Variants in TOP2A observed in about 807,000 individuals in gnomAD.
TOP2A encodes the protein DNA topoisomerase 2-alpha.
A neutral mutation model predicts 187.2 loss-of-function variants in TOP2A; 68 were observed. The observed-to-expected ratio is 0.36, with a 90% CI of 0.30 to 0.44. TOP2A has a LOEUF of 0.44. Ranked by LOEUF, TOP2A falls within the 20% of genes least tolerant of loss-of-function variation. TOP2A has a pLI of 1.00. For missense variants in TOP2A, 1,196 were observed against 1,808.7 expected, an observed-to-expected ratio of 0.66 and a Z score of 6.14; for synonymous variants, 542 against 593.2, an observed-to-expected ratio of 0.91 and a Z score of 1.25.
At position 40,390,117 on chromosome 17, in the gene TOP2A, T is replaced by C. The variant is rs750280340; in HGVS notation, c.4315A>G (p.Lys1439Glu). The change falls in exon 34 of 35, where the codon AAA becomes GAA. Residue 1439 changes from lysine to glutamate, a missense_variant. Lys to Glu is a moderately conservative substitution (Grantham distance 56). Around this residue, in one of 10 missense-constraint regions of TOP2A, gnomAD observed 374 missense variants for 403.3 expected, o/e 0.93. Transcript: ENST00000423485. ...TTGAKKRAAP[K>E]GTKRDPALNS... The stretch of plus-strand genomic sequence containing the variant: ...AAAGCTGGATCCCTTTTAGTTCCTT[T>C]TGGGGCAGCCCTTTTTTTGGCACCG... 3 of 1,613,768 alleles carry C rather than the reference T, an allele frequency of 1.9e-6. No individual in the cohort carries two copies. The highest frequency in any genetic ancestry group is 4.5e-5 in the East Asian group (2 of 44,880).
chr17:40,392,886 G>A, intron 29 of TOP2A, 149 bp from the exon 30 acceptor site: 2 of 720,118 alleles, frequency 2.8e-6, no homozygotes, highest in Non-Finnish European at 4.5e-6. Flanking sequence ...TGTTTTTGTG[G>A]TGCATATAGC....
chr17:40,397,626 GTCT>G (rs959588929), intron 27 of TOP2A, among the ~76,000 whole-genome samples: 1 of 152,056 alleles, frequency 6.6e-6, no homozygotes, highest in East Asian at 1.9e-4. Context: ...TGGGTTGGTG[GTCT>G]TCTTCCACAT....
At chr17:40,397,567 T>A (rs2035117023) in intron 27 of TOP2A, among the ~76,000 whole-genome samples, 1 of 152,088 alleles carries the variant, frequency 6.6e-6, no homozygotes, top group African/African-American at 2.4e-5. Context: ...ATTACAGGCA[T>A]GAGCCACCAT....
chr17:40,402,082 A>G (rs901167941), intron 20 of TOP2A, among the ~76,000 whole-genome samples: 9 of 152,166 alleles, frequency 5.9e-5, no homozygotes, highest in African/African-American at 9.6e-5. Flanking sequence ...TATTTTTCCA[A>G]TGCAGATCCT....
intron 28 of TOP2A, 149 bp from the exon 29 acceptor site, chr17:40,395,688 G>A (rs1442273383): frequency 2.0e-6 from 1 of 496,408 alleles, no homozygotes; most frequent in Non-Finnish European, 3.6e-6. Flanking sequence ...TTGAGGTCAG[G>A]AGTTCGAGAC....
At position 40,404,453 on chromosome 17, in the gene TOP2A, A is replaced by G. The variant is rs1416208657; in HGVS notation, c.2085T>C (p.Tyr695=). Residue 695 remains tyrosine (Y), a synonymous_variant, in exon 18 of 35, where the codon TAT becomes TAC. Transcript: ENST00000423485. ...LYGQTTTYLT[Y]NDFINKELIL... ...TAAGTTCCTTGTTGATGAAGTCATT[A>G]TATGTCAGATATGTGGTAGTTTGTC... 1.7e-5 allele frequency: 28 copies of G among 1,610,374 alleles called. No individual in the cohort carries two copies. Among genetic ancestry groups the G allele is most frequent in the African/African-American group, 2.7e-5 (2 of 74,824 alleles).
chr17:40,393,218 G>A (rs1171437654), intron 29 of TOP2A, among the ~76,000 whole-genome samples: 1 of 151,998 alleles, frequency 6.6e-6, no homozygotes, highest in African/African-American at 2.4e-5. Context: ...CCACTAGGGA[G>A]GCGGAGGCAG....
At chr17:40,409,000 G>A in intron 10 of TOP2A, 1 of 395,418 alleles carries the variant, frequency 2.5e-6, no homozygotes, top group South Asian at 1.8e-5. Context: ...TTTGAGACCG[G>A]CCTGGCCAAC....
At chr17:40,416,616 C>A in intron 2 of TOP2A, 104 bp from the exon 3 acceptor site, 1 of 1,430,858 alleles carries the variant, frequency 7.0e-7, no homozygotes, top group Non-Finnish European at 9.7e-7. Flanking sequence ...ATATTTAGGC[C>A]AGTTCCAGTG....
intron 28 of TOP2A, among the ~76,000 whole-genome samples, chr17:40,395,811 A>G (rs2035089485): frequency 6.6e-6 from 1 of 151,674 alleles, no homozygotes; most frequent in Non-Finnish European, 1.5e-5. Flanking sequence ...TCGCTTGAAT[A>G]CGGGAGGCGG....
At chr17:40,416,689 A>G in intron 2 of TOP2A, 51 bp downstream of exon 2, 1 of 1,578,448 alleles carries the variant, frequency 6.3e-7, no homozygotes. Flanking sequence ...CAGAAAGAAG[A>G]GTATCCATTT....
intron 4 of TOP2A, among the ~76,000 whole-genome samples, chr17:40,414,298 A>T (rs1209338323): frequency 6.6e-6 from 1 of 152,158 alleles, no homozygotes; most frequent in African/African-American, 2.4e-5. Context: ...CCTGGGCTCA[A>T]GCAATCCTCC....
rs1455183379 is a variant in TOP2A at position 40,408,021 on chromosome 17, C to T, written c.1446G>A (p.Gly482=). Residue 482 remains glycine (G), a synonymous_variant, in exon 12 of 35, where the codon GGG becomes GGA. Coordinates refer to ENST00000423485, the MANE Select transcript of TOP2A (RefSeq NM_001067.4). ...GTATTTTTCCTCTAAGAGGGAAAAC[C>T]CCATATTTGTCTCTCCCAACCACAC... The part of the protein sequence containing the change: ...GLGVVGRDKY[G]VFPLRGKILN... The T allele has an allele frequency of 3.1e-6, 5 of 1,613,436 alleles. No individual in the cohort carries two copies. The Admixed American group carries it at 5.0e-5, about 16-fold the overall frequency.
In TOP2A at chr17:40,391,549, T is replaced by C; in HGVS notation, c.4224A>G (p.Pro1408=). The change falls in exon 33 of 35, where the codon CCA becomes CCG. Residue 1408 remains proline (P), a synonymous_variant. Coordinates refer to ENST00000423485, the MANE Select transcript of TOP2A (RefSeq NM_001067.4). The part of the protein sequence containing the change: ...HFPDETEITN[P]VPKKNVTVKK... ...TCACTGTCACATTCTTTTTAGGAAC[T>C]GGGTTTGTAATTTCAGTTTCATCTG... is the stretch of plus-strand genomic sequence containing the variant. 1 of 1,613,432 alleles carries C rather than the reference T, an allele frequency of 6.2e-7. No individual in the cohort carries two copies. Among genetic ancestry groups the C allele is most frequent in the Non-Finnish European group, 8.5e-7 (1 of 1,179,684 alleles).
Position 40,401,026 on chromosome 17 carries a change from A to AT in TOP2A, c.2487dup (p.Tyr830IlefsTer2), listed in dbSNP as rs749647222. 6.2e-7 allele frequency: 1 copy of AT among 1,614,054 alleles called. No homozygotes were observed. Among genetic ancestry groups the AT allele is most frequent in the South Asian group, 1.1e-5 (1 of 91,086 alleles). ...GGCTCAACACGCTGGTTGTCATCAT[A>AT]TAAAAACTTCAACGTGTGATCATCT... is the stretch of plus-strand genomic sequence containing the variant. On this transcript the variant is annotated frameshift_variant, in exon 21 of 35. Coordinates refer to ENST00000423485, the MANE Select transcript of TOP2A (RefSeq NM_001067.4). LOFTEE classifies it high-confidence loss of function.
chr17:40,390,578 T>A (rs1044161214), intron 33 of TOP2A, among the ~76,000 whole-genome samples: 1 of 151,978 alleles, frequency 6.6e-6, no homozygotes, highest in African/African-American at 2.4e-5. Flanking sequence ...GAAAAGACAA[T>A]CTAAGAGAGG....
At chr17:40,408,196 G>C in intron 11 of TOP2A, 72 bp from the exon 12 acceptor site, 1 of 1,204,806 alleles carries the variant, frequency 8.3e-7, no homozygotes, top group Non-Finnish European at 1.1e-6. Context: ...TGAACATGCT[G>C]TTTATAGCCT....
chr17:40,404,586 T>A, intron 17 of TOP2A, 95 bp from the exon 18 acceptor site: 1 of 778,922 alleles, frequency 1.3e-6, no homozygotes, highest in Non-Finnish European at 2.1e-6. Context: ...GAATTATTTC[T>A]GTAATTCTTA....
At chr17:40,409,779 C>CA (rs886646711) in intron 10 of TOP2A, 3,085 of 76,178 alleles carry the variant, frequency 0.04, 79 homozygotes, top group African/African-American at 0.11. Flanking sequence ...GACTCTGTCT[C>CA]AAAAAAAAAA....
Sources: gnomAD v4.1 joint callset for allele counts (sites outside exome capture counted in the v4.1 genomes callset) on GRCh38, gnomAD v4.1.1 for gene constraint, gnomAD v4.1.1 regional missense constraint, MANE v1.5 for transcripts, NCBI Gene and HGNC (gene_info 2026-07-23, HGNC 2026-07-21) for gene names.